The following R3HDM1 variants were observed in gnomAD, a reference collection of about 807,000 sequenced individuals.
R3HDM1 encodes R3H domain containing 1, also known as R3H domain-containing protein 1.
Under a neutral mutation model 141.1 loss-of-function variants are expected in R3HDM1, and 46 were observed. The observed-to-expected ratio is 0.33, with a 90% CI of 0.26 to 0.42. R3HDM1 has a LOEUF of 0.42. R3HDM1 is among the 10% of genes least tolerant of loss of function. The pLI, the probability that R3HDM1 is intolerant of heterozygous loss-of-function variation, is 1.00. For synonymous variants in R3HDM1, 435 were observed against 472.9 expected, an observed-to-expected ratio of 0.92 and a Z score of 1.04; for missense variants, 1,184 against 1,368.3, an observed-to-expected ratio of 0.87 and a Z score of 2.12.
At chr2:135,711,729 C>T (rs2075659711) in intron 23 of R3HDM1, among the ~76,000 whole-genome samples, 1 of 151,048 alleles carries the variant, frequency 6.6e-6, no homozygotes, top group East Asian at 1.9e-4. Flanking sequence ...GAGGCCAAAG[C>T]GGGCAGATCA....
chr2:135,537,809 A>G (rs1383289939), intron 1 of R3HDM1, among the ~76,000 whole-genome samples: 1 of 152,032 alleles, frequency 6.6e-6, no homozygotes, highest in Admixed American at 6.6e-5. Context: ...GGCATGAGCC[A>G]CCGCACCCAG....
intron 1 of R3HDM1, among the ~76,000 whole-genome samples, chr2:135,563,470 G>A (rs372346295): frequency 2.6e-5 from 4 of 152,142 alleles, no homozygotes; most frequent in South Asian, 2.1e-4. Context: ...TCTTCCTTTC[G>A]GTAAGGGTGA....
At chr2:135,674,628 C>T (rs2068876047) in intron 19 of R3HDM1, among the ~76,000 whole-genome samples, 1 of 152,326 alleles carries the variant, frequency 6.6e-6, no homozygotes, top group South Asian at 2.1e-4. Flanking sequence ...AATTTGTGCA[C>T]TTAACTTACC....
At chr2:135,676,405 A>G (rs2069186195) in intron 20 of R3HDM1, among the ~76,000 whole-genome samples, 1 of 152,248 alleles carries the variant, frequency 6.6e-6, no homozygotes, top group African/African-American at 2.4e-5. Flanking sequence ...TCTTCAATAT[A>G]ATATGACACA....
intron 7 of R3HDM1, among the ~76,000 whole-genome samples, chr2:135,630,886 G>A (rs903988959): frequency 2.0e-5 from 3 of 152,026 alleles, no homozygotes; most frequent in Non-Finnish European, 4.4e-5. Context: ...GTGTGAGCAG[G>A]GAGGTCCTTT....
intron 1 of R3HDM1, among the ~76,000 whole-genome samples, chr2:135,545,245 G>A (rs561616814): frequency 3.9e-5 from 6 of 152,260 alleles, no homozygotes; most frequent in South Asian, 2.1e-4. Context: ...ACTATGTGCC[G>A]TGTACTGCCT....
chr2:135,572,665 A>C (rs1335259751), intron 1 of R3HDM1, among the ~76,000 whole-genome samples: 3 of 152,270 alleles, frequency 2.0e-5, no homozygotes, highest in Non-Finnish European at 4.4e-5. Context: ...ATATATAGGC[A>C]AGAGAAATGA....
chr2:135,645,051 C>T (rs1250745228), intron 15 of R3HDM1, among the ~76,000 whole-genome samples: 1 of 152,092 alleles, frequency 6.6e-6, no homozygotes, highest in Non-Finnish European at 1.5e-5. Context: ...CACTGTACTC[C>T]AGCCTGAGCA....
chr2:135,684,291 A>G (rs556486096), intron 21 of R3HDM1, among the ~76,000 whole-genome samples: 50 of 152,164 alleles, frequency 3.3e-4, no homozygotes, highest in Admixed American at 8.5e-4. Context: ...AGGTTTCACC[A>G]TGTTAGCCAG....
chr2:135,545,342 CAGAT>C (rs1405360171), intron 1 of R3HDM1, among the ~76,000 whole-genome samples: 4 of 152,004 alleles, frequency 2.6e-5, no homozygotes, highest in Non-Finnish European at 5.9e-5. Context: ...AATATAGTGT[CAGAT>C]AGAAACTATT....
chr2:135,631,866 C>T lies in R3HDM1; in HGVS notation c.563C>T (p.Pro188Leu), dbSNP rs774851540. The T allele has an allele frequency of 6.2e-7, 1 of 1,606,062 alleles. No individual in the cohort carries two copies. The highest frequency in any genetic ancestry group is 1.7e-5 in the Admixed American group (1 of 58,700). Reference protein sequence around the residue: ...ILDFIGNNESPRKKFPPMTSY... With the variant: ...ILDFIGNNESLRKKFPPMTSY... ...GGTTTTTCTTGTGCTTCTAGGTCTC[C>T]ACGTAAAAAATTCCCCCCAATGACA... is the stretch of plus-strand genomic sequence containing the variant. The change falls in exon 9 of 27, where the codon CCA (proline) becomes CTA (leucine). Residue 188 changes from proline (P) to leucine (L), a missense_variant. Pro to Leu is a moderately conservative substitution (Grantham distance 98). Transcript: ENST00000683871.
At chr2:135,593,998 G>C (rs932710330) in intron 1 of R3HDM1, among the ~76,000 whole-genome samples, 4 of 152,184 alleles carry the variant, frequency 2.6e-5, no homozygotes, top group African/African-American at 9.7e-5. Context: ...GGGATTACAG[G>C]CATGAGCCAC....
At chr2:135,624,898 A>G (rs976378867) in intron 7 of R3HDM1, among the ~76,000 whole-genome samples, 1 of 152,186 alleles carries the variant, frequency 6.6e-6, no homozygotes, top group Admixed American at 6.5e-5. Flanking sequence ...GGCAATGGGG[A>G]CAGTAGAGTA....
At chr2:135,586,829 C>A (rs1038901091) in intron 1 of R3HDM1, 24 of 985,036 alleles carry the variant, frequency 2.4e-5, no homozygotes, top group Non-Finnish European at 2.5e-5. Flanking sequence ...TATAGCACAG[C>A]AAATTGTCAG....
intron 21 of R3HDM1, among the ~76,000 whole-genome samples, chr2:135,691,565 C>T (rs1330628824): frequency 2.0e-5 from 3 of 151,924 alleles, no homozygotes; most frequent in African/African-American, 7.2e-5. Flanking sequence ...GAGATCAAAC[C>T]ACTTCACTCC....
At chr2:135,579,607 G>GGGA in intron 1 of R3HDM1, among the ~76,000 whole-genome samples, 1 of 148,856 alleles carries the variant, frequency 6.7e-6, no homozygotes, top group African/African-American at 2.6e-5. Context: ...GGGGGGGGTG[G>GGGA]AAATGGCAGA....
At chr2:135,675,039 G>A (rs979240239) in intron 19 of R3HDM1, among the ~76,000 whole-genome samples, 5 of 151,104 alleles carry the variant, frequency 3.3e-5, no homozygotes, top group Admixed American at 6.6e-5. Context: ...TATCATAATC[G>A]ATTGTAATAT....
rs2065156267 is a variant in R3HDM1, at chr2:135,651,586, C to G, written c.1726-144C>G. On this transcript the variant is annotated intron_variant, in intron 17 of 26. Transcript: ENST00000683871. ...GTTGTCATTTTTTTGAAGCTTTACC[C>G]TATTACATAATTGCTGTTGTTGATA... 7 of 1,261,220 alleles carry G rather than the reference C, an allele frequency of 5.6e-6. No individual in the cohort carries two copies. The South Asian group carries it at 1.5e-4, about 28-fold the overall frequency. 78.1% of individuals were successfully genotyped at this position (1,261,220 alleles called of 1,614,324 possible). A position where few individuals can be genotyped will look rare whatever the true frequency, so the allele number is the denominator to read the frequency against.
intron 1 of R3HDM1, among the ~76,000 whole-genome samples, chr2:135,533,748 G>A (rs985684402): frequency 9.2e-5 from 14 of 152,220 alleles, no homozygotes; most frequent in Middle Eastern, 3.4e-3. Flanking sequence ...TCATGGTGGC[G>A]GGCACCTGTA....
Sources: allele counts gnomAD v4.1 joint callset (sites outside exome capture counted in the v4.1 genomes callset), GRCh38; gene constraint gnomAD v4.1.1; transcripts MANE v1.5; gene names NCBI Gene and HGNC (gene_info 2026-07-23, HGNC 2026-07-21).